Variants in HOXB3 observed in about 807,000 individuals in gnomAD.
HOXB3 encodes homeobox B3.
Under a neutral mutation model 29.2 loss-of-function variants are expected in HOXB3, and 17 were observed. That is an observed-to-expected ratio of 0.58 (90% CI 0.40 to 0.87). HOXB3 has a LOEUF of 0.87. Ranked by LOEUF, HOXB3 falls within the 40% of genes least tolerant of loss-of-function variation. HOXB3 has a pLI of 0.00. For synonymous variants in HOXB3, 317 were observed against 285.9 expected, an observed-to-expected ratio of 1.11 and a Z score of -1.10; for missense variants, 637 against 616.3, an observed-to-expected ratio of 1.03 and a Z score of -0.35.
rs2069837847 is a variant in HOXB3 at position 48,578,277 on chromosome 17, G to A, written c.-424-4263C>T. The A allele has an allele frequency of 2.5e-6, 4 of 1,613,442 alleles. No homozygotes were observed. Among genetic ancestry groups the A allele is most frequent in the Admixed American group, 1.7e-5 (1 of 59,954 alleles). On this transcript the variant is annotated intron_variant, in intron 1 of 4. Transcript: ENST00000498678. ...TATTCCTCGCATGGAGGGAACTTGGGGTCGACATAGTTTGAGTTGATCAAA... is the reference window on the plus strand; with the variant it reads ...TATTCCTCGCATGGAGGGAACTTGGAGTCGACATAGTTTGAGTTGATCAAA...
chr17:48,555,298 G>A (rs1315333488), intron 3 of HOXB3: 1 of 544,578 alleles, frequency 1.8e-6, no homozygotes, highest in Non-Finnish European at 3.2e-6. Context: ...GAGGAGAAAA[G>A]AGGAGAGAAG....
At position 48,578,224 on chromosome 17, in the gene HOXB3, G is replaced by C. The variant is rs769621021; in HGVS notation, c.-424-4210C>G. 3 of 1,613,926 alleles carry C rather than the reference G, an allele frequency of 1.9e-6. No individual in the cohort carries two copies. In the East Asian group the frequency reaches 6.7e-5, roughly 36 times the overall value. On this transcript the variant is annotated intron_variant, in intron 1 of 4. Transcript: ENST00000498678. The stretch of plus-strand genomic sequence containing the variant: ...CGCCGGCGTAGTACCCGGGCGAGTG[G>C]TCGCTGGGTAGGTAATCGCTCTGTG...
intron 1 of HOXB3, among the ~76,000 whole-genome samples, chr17:48,586,205 A>G (rs1306944410): frequency 1.3e-5 from 2 of 152,180 alleles, no homozygotes; most frequent in East Asian, 3.9e-4. Context: ...AAGAGAGGAG[A>G]CGCCTAAATC....
intron 1 of HOXB3, chr17:48,577,951 G>A (rs2069820833): frequency 7.6e-7 from 1 of 1,322,346 alleles, no homozygotes; most frequent in Non-Finnish European, 9.7e-7. Context: ...GGGGGTTCTG[G>A]GCGCAGGGAG....
chr17:48,572,980 G>A lies in HOXB3; in HGVS notation c.-247+857C>T, dbSNP rs549649501. Among the ~76,000 whole-genome samples the A allele has an allele frequency of 1.2e-4, 18 of 152,258 alleles. No homozygotes were observed. In the South Asian group the frequency reaches 3.3e-3, roughly 28 times the overall value. On this transcript the variant is annotated intron_variant, in intron 2 of 4. Transcript: ENST00000498678. ...TCTCCATGAACTCTCTCTCCTGCCA[G>A]CCTCCCGCCTCCAAACCCTAAGTGA...
At position 48,576,750 on chromosome 17, in the gene HOXB3, C is replaced by T. The variant is rs149049923; in HGVS notation, c.-424-2736G>A. The stretch of plus-strand genomic sequence containing the variant: ...GAGCGCGCGGGGGCCTCCATTGGGC[C>T]GGCCAGGGGGCCCTCCGGCTGAGCC... On this transcript the variant is annotated intron_variant, in intron 1 of 4. Coordinates refer to ENST00000498678, the MANE Select transcript of HOXB3 (RefSeq NM_001384749.1). 2.1e-4 allele frequency: 340 copies of T among 1,612,406 alleles called. No homozygotes were observed. Among genetic ancestry groups the T allele is most frequent in the Non-Finnish European group, 2.8e-4 (329 of 1,179,264 alleles).
In HOXB3 at chr17:48,552,451, G is replaced by A; in HGVS notation, c.24C>T (p.Asp8=). 1 of 1,575,068 alleles carries A rather than the reference G, an allele frequency of 6.3e-7. No individual in the cohort carries two copies. The highest frequency in any genetic ancestry group is 8.6e-7 in the Non-Finnish European group (1 of 1,157,518). ...CTCCGAAGAGAGCAGCCGCGGCGTTGTCGTAGTAGGTGGCTTTCTGCATCG... is the reference window on the plus strand; with the variant it reads ...CTCCGAAGAGAGCAGCCGCGGCGTTATCGTAGTAGGTGGCTTTCTGCATCG... MQKATYY[D]NAAAALFGGY... is the part of the protein sequence containing the mutation. Residue 8 remains aspartate (D), a synonymous_variant, in exon 4 of 5, where the codon GAC becomes GAT. Coordinates refer to ENST00000498678, the MANE Select transcript of HOXB3 (RefSeq NM_001384749.1).
rs1360452483 is a variant in HOXB3 at position 48,550,507 on chromosome 17, G to T, written c.1123C>A (p.His375Asn). Residue 375 changes from histidine (H) to asparagine (N), a missense_variant, in exon 5 of 5, where the codon CAC (histidine) becomes AAC (asparagine). By Grantham distance (68) the His-to-Asn change is moderately conservative (BLOSUM62 1). Transcript: ENST00000498678. ...TTCCCGGAAGGGTGATGGGAAAGGT[G>T]GTTGAGGCCATAGAGGGAGGGGCCG... Reference protein sequence around the residue: ...PAGPSLYGLNHLSHHPSGNLD... With the variant: ...PAGPSLYGLNNLSHHPSGNLD... 2 of 1,596,232 alleles carry T rather than the reference G, an allele frequency of 1.3e-6. No homozygotes were observed. Among genetic ancestry groups the T allele is most frequent in the South Asian group, 1.1e-5 (1 of 89,282 alleles).
intron 1 of HOXB3, among the ~76,000 whole-genome samples, chr17:48,584,321 A>C (rs896880071): frequency 3.3e-5 from 5 of 152,222 alleles, no homozygotes; most frequent in Admixed American, 3.3e-4. Flanking sequence ...TTCAGTAGGC[A>C]AGTTCTTAAA....
chr17:48,559,627 T>C (rs931668294), intron 2 of HOXB3: 3 of 152,156 alleles, frequency 2.0e-5, no homozygotes, highest in East Asian at 1.9e-4. Flanking sequence ...AAAGTGGGAA[T>C]TGCTAATGAA....
At chr17:48,564,243 A>T (rs1404208867) in intron 2 of HOXB3, among the ~76,000 whole-genome samples, 1 of 151,648 alleles carries the variant, frequency 6.6e-6, no homozygotes, top group Non-Finnish European at 1.5e-5. Flanking sequence ...GGCGCGGGCA[A>T]CGGCGGGCGG....
intron 2 of HOXB3, among the ~76,000 whole-genome samples, chr17:48,568,060 A>G (rs1179230295): frequency 5.9e-5 from 9 of 152,148 alleles, no homozygotes; most frequent in Non-Finnish European, 1.2e-4. Context: ...TTCCAATTGC[A>G]CAGAACTTTG....
intron 1 of HOXB3, among the ~76,000 whole-genome samples, chr17:48,584,113 C>T (rs980521626): frequency 6.6e-6 from 1 of 152,238 alleles, no homozygotes; most frequent in African/African-American, 2.4e-5. Context: ...GGCATTTGCT[C>T]ATGAGCTAAG....
chr17:48,554,510 G>C lies in HOXB3; in HGVS notation c.-159+1021C>G. ...CGCGATAGGAAAGAATGGAGACTCC[G>C]CCGGTGGTGCAGACAGGGCTGGGAA... is the stretch of plus-strand genomic sequence containing the variant. On this transcript the variant is annotated intron_variant, in intron 3 of 4. Transcript: ENST00000498678. This position sits in a 1 kb window ranked among gnomAD's most constrained non-coding sequence, Gnocchi z 4.1. 4 of 638,856 alleles carry C rather than the reference G, an allele frequency of 6.3e-6. No individual in the cohort carries two copies. Among genetic ancestry groups the C allele is most frequent in the South Asian group, 5.2e-5 (3 of 57,590 alleles). The allele number at this position is 638,856 out of a possible 1,614,324, so 39.6% of individuals were successfully genotyped here.
intron 1 of HOXB3, chr17:48,576,248 C>G (rs996351210): frequency 6.5e-6 from 1 of 153,510 alleles, no homozygotes; most frequent in Non-Finnish European, 1.5e-5. Flanking sequence ...CGGAGGCGGC[C>G]GAGCCGGGCC....
At chr17:48,551,719 C>A (rs964396929) in intron 4 of HOXB3, among the ~76,000 whole-genome samples, 2 of 151,734 alleles carry the variant, frequency 1.3e-5, no homozygotes, top group African/African-American at 2.4e-5. Context: ...TAATAATAAT[C>A]AATCGTTGAC....
intron 2 of HOXB3, among the ~76,000 whole-genome samples, chr17:48,569,496 C>T (rs1283648007): frequency 7.2e-6 from 1 of 139,752 alleles, no homozygotes; most frequent in African/African-American, 2.6e-5. Context: ...GCAGGGGCGT[C>T]TAGGGGGTGG....
intron 2 of HOXB3, chr17:48,556,277 G>A (rs1376695576): frequency 6.5e-6 from 1 of 154,116 alleles, no homozygotes; most frequent in Non-Finnish European, 1.4e-5. Flanking sequence ...GAACTATTAT[G>A]CTAATATGAG....
In HOXB3 at chr17:48,551,117, A is replaced by G. The variant is rs755210658; in HGVS notation, c.513T>C (p.Gly171=). 1.4e-5 allele frequency: 19 copies of G among 1,336,144 alleles called. No homozygotes were observed. The highest frequency in any genetic ancestry group is 1.7e-5 in the Non-Finnish European group (18 of 1,044,026). The allele number at this position is 1,336,144 out of a possible 1,614,324, so 82.8% of individuals were successfully genotyped here. A position where few individuals can be genotyped will look rare whatever the true frequency, so the allele number is the denominator to read the frequency against. The part of the protein sequence containing the change: ...GGGGSGGSGG[G]GGGGGGGDKS... Reference sequence around the variant, plus strand: ...TGTCCCCTCCCCCGCCGCCGCCGCCACCGCCCCCGCTGCCACCACTGCCTC... The same window carrying G: ...TGTCCCCTCCCCCGCCGCCGCCGCCGCCGCCCCCGCTGCCACCACTGCCTC... The change falls in exon 5 of 5, where the codon GGT becomes GGC. Residue 171 remains glycine, a synonymous_variant. Coordinates refer to ENST00000498678, the MANE Select transcript of HOXB3 (RefSeq NM_001384749.1).
Sources: allele counts gnomAD v4.1 joint callset (sites outside exome capture counted in the v4.1 genomes callset), GRCh38; gene constraint gnomAD v4.1.1; non-coding constraint Gnocchi (gnomAD v3.1); transcripts MANE v1.5; gene names NCBI Gene and HGNC (gene_info 2026-07-23, HGNC 2026-07-21).